CACNA2D4: variants seen among roughly 807,000 people sequenced by gnomAD.
CACNA2D4 encodes calcium voltage-gated channel auxiliary subunit alpha2delta 4, also known as voltage-dependent calcium channel subunit alpha-2/delta-4.
Under a neutral mutation model 163.8 loss-of-function variants are expected in CACNA2D4, and 157 were observed. That is an observed-to-expected ratio of 0.96 (90% confidence interval 0.84 to 1.09). CACNA2D4 has a LOEUF of 1.09. Ranked by LOEUF, CACNA2D4 falls within the 50% of genes least tolerant of loss-of-function variation. The pLI, the probability that CACNA2D4 is intolerant of heterozygous loss-of-function variation, is 0.00. For missense variants in CACNA2D4, 1,410 were observed against 1,479.9 expected, an observed-to-expected ratio of 0.95 and a Z score of 0.78; for synonymous variants, 598 against 586.9, an observed-to-expected ratio of 1.02 and a Z score of -0.27.
rs143926984 is a variant in CACNA2D4 at position 1,886,694 on chromosome 12, G to A, written c.842+315C>T. Among the ~76,000 whole-genome samples the A allele has an allele frequency of 1.9e-4, 29 of 152,304 alleles. 1 individual carries two copies. The highest frequency in any genetic ancestry group is 3.4e-3 in the Middle Eastern group (1 of 294). ...GGGAGAGAGCTGGGCTTCAGATTCT[G>A]TTACCAACTTGCCACAAAAGGGGTG... is the stretch of plus-strand genomic sequence containing the variant. On this transcript the variant is annotated intron_variant, in intron 7 of 37. Coordinates refer to ENST00000382722, the MANE Select transcript of CACNA2D4 (RefSeq NM_172364.5).
At chr12:1,871,866 C>T (rs6489334) in intron 18 of CACNA2D4, among the ~76,000 whole-genome samples, 4,356 of 152,322 alleles carry the variant, frequency 0.029, 199 homozygotes, top group African/African-American at 0.099. Flanking sequence ...TGCCCCTTCC[C>T]TCCCCCATTG....
rs976210946 is a variant in CACNA2D4 at position 1,828,044 on chromosome 12, C to T, written c.2551+12695G>A. ...CTGGGCTGGAACGGGGCTCCCGCGC[C>T]TGCCTGTGCTCAGTGCTCCTCCCTC... On this transcript the variant is annotated intron_variant, in intron 26 of 37. Coordinates refer to ENST00000382722, the MANE Select transcript of CACNA2D4 (RefSeq NM_172364.5). The surrounding 1 kb of genome is among the most constrained non-coding windows in gnomAD (Gnocchi z 4.2). 5 of 1,127,674 alleles carry T rather than the reference C, an allele frequency of 4.4e-6. No individual in the cohort carries two copies. Among genetic ancestry groups the T allele is most frequent in the Admixed American group, 3.3e-5 (1 of 30,402 alleles). The allele number at this position is 1,127,674 out of a possible 1,614,324, so 69.9% of individuals were successfully genotyped here.
rs537286384 is a variant in CACNA2D4 at position 1,842,507 on chromosome 12, G to A, written c.2471-1688C>T. Among the ~76,000 whole-genome samples the A allele has an allele frequency of 1.4e-4, 22 of 152,306 alleles. 1 individual carries two copies. Among genetic ancestry groups the A allele is most frequent in the Middle Eastern group, 3.4e-3 (1 of 294 alleles). On this transcript the variant is annotated intron_variant, in intron 25 of 37. Coordinates refer to ENST00000382722, the MANE Select transcript of CACNA2D4 (RefSeq NM_172364.5). ...GTCTAAGCGTGTGTGTGCGCTGAGC[G>A]AGTGAGTGGGCTGTGGAGAGGAAGT...
At position 1,843,207 on chromosome 12, in the gene CACNA2D4, G is replaced by A. The variant is rs1407062635; in HGVS notation, c.2470+1195C>T. On this transcript the variant is annotated intron_variant, in intron 25 of 37. Coordinates refer to ENST00000382722, the MANE Select transcript of CACNA2D4 (RefSeq NM_172364.5). This position sits in a 1 kb window ranked among gnomAD's most constrained non-coding sequence, Gnocchi z 4.6. ...GGGCATAGCACCAGGTGAGGAAGGCGGGATTCCGGAGGGGGCGGGGTGGAG... is the reference window on the plus strand; with the variant it reads ...GGGCATAGCACCAGGTGAGGAAGGCAGGATTCCGGAGGGGGCGGGGTGGAG... Among the ~76,000 whole-genome samples, 2 of 152,320 alleles carry A rather than the reference G, an allele frequency of 1.3e-5. No homozygotes were observed. Among genetic ancestry groups the A allele is most frequent in the East Asian group, 1.9e-4 (1 of 5,182 alleles).
chr12:1,852,069 G>C (rs969255119), intron 23 of CACNA2D4, among the ~76,000 whole-genome samples: 84 of 151,870 alleles, frequency 5.5e-4, no homozygotes, highest in African/African-American at 1.9e-3. Flanking sequence ...TTTGAATGTT[G>C]ATATTATAAC....
At chr12:1,907,129 A>G (rs1866678464) in intron 6 of CACNA2D4, among the ~76,000 whole-genome samples, 1 of 152,248 alleles carries the variant, frequency 6.6e-6, no homozygotes, top group South Asian at 2.1e-4. Context: ...CTTAAGGTAA[A>G]GAATTGTTTT....
At position 1,818,158 on chromosome 12, in the gene CACNA2D4, C is replaced by A. The variant is rs1207146827; in HGVS notation, c.2552-6435G>T. Among the ~76,000 whole-genome samples, 5 of 149,004 alleles carry A rather than the reference C, an allele frequency of 3.4e-5. No homozygotes were observed. In the East Asian group the frequency reaches 1.0e-3, roughly 30 times the overall value. On this transcript the variant is annotated intron_variant, in intron 26 of 37. Transcript: ENST00000382722. ...GCGACCCCGTCTGGGAAGTGAGGAG[C>A]CCCTCCGCCCGGCAGCCGCCCCGTC... is the stretch of plus-strand genomic sequence containing the variant.
At chr12:1,891,803 C>T (rs980679979) in intron 6 of CACNA2D4, among the ~76,000 whole-genome samples, 5 of 151,642 alleles carry the variant, frequency 3.3e-5, no homozygotes, top group African/African-American at 7.3e-5. Context: ...CATTTGTAAA[C>T]GTTAACAATA....
At chr12:1,837,167 G>T (rs1322804857) in intron 26 of CACNA2D4, among the ~76,000 whole-genome samples, 2 of 152,254 alleles carry the variant, frequency 1.3e-5, no homozygotes, top group Non-Finnish European at 2.9e-5. Flanking sequence ...GGCCCTGGCA[G>T]CCAGGACAGA....
intron 23 of CACNA2D4, among the ~76,000 whole-genome samples, chr12:1,852,163 T>C (rs765080501): frequency 2.6e-5 from 4 of 152,188 alleles, no homozygotes; most frequent in African/African-American, 4.8e-5. Flanking sequence ...AATTATGTCA[T>C]CTTTAAACAG....
At chr12:1,893,226 T>C (rs1282030780) in intron 6 of CACNA2D4, among the ~76,000 whole-genome samples, 3 of 152,136 alleles carry the variant, frequency 2.0e-5, no homozygotes, top group African/African-American at 7.2e-5. Flanking sequence ...CCAGGACAGA[T>C]CATATATTAA....
intron 6 of CACNA2D4, among the ~76,000 whole-genome samples, chr12:1,893,578 A>G (rs1866337317): frequency 6.6e-6 from 1 of 152,110 alleles, no homozygotes; most frequent in Admixed American, 6.5e-5. Flanking sequence ...ACTACAATAG[A>G]ATAAAACTAG....
rs150016230 is a variant in CACNA2D4, at chr12:1,826,400, GCCC to G, written c.2551+14336_2551+14338del. 2.1e-4 allele frequency among the ~76,000 whole-genome samples: 12 copies of G among 57,140 alleles called. 1 individual carries two copies. Among genetic ancestry groups the G allele is most frequent in the African/African-American group, 5.2e-4 (11 of 21,238 alleles). The allele number at this position is 57,140 out of a possible 152,430, so 37.5% of individuals were successfully genotyped here. The stretch of plus-strand genomic sequence containing the variant: ...AACGGACCAGAGATTTGAACCCAGA[GCCC>G]CCCCCCCCCCCCCGCCAACTGGCAC... On this transcript the variant is annotated intron_variant, in intron 26 of 37. Transcript: ENST00000382722.
intron 30 of CACNA2D4, 111 bp downstream of exon 30, chr12:1,801,463 C>T: frequency 1.1e-6 from 1 of 913,760 alleles, no homozygotes; most frequent in Non-Finnish European, 1.8e-6. Flanking sequence ...TCTTTGGGGG[C>T]ACCCACTGTG....
intron 6 of CACNA2D4, among the ~76,000 whole-genome samples, chr12:1,899,539 CAG>C (rs1332705675): frequency 2.0e-5 from 3 of 152,030 alleles, no homozygotes; most frequent in Non-Finnish European, 4.4e-5. Flanking sequence ...TTTGAAAAGT[CAG>C]ATAAAATGGA....
At chr12:1,847,586 C>T (rs527654778) in intron 23 of CACNA2D4, among the ~76,000 whole-genome samples, 2 of 152,302 alleles carry the variant, frequency 1.3e-5, no homozygotes, top group Admixed American at 1.3e-4. Flanking sequence ...AGTCATAGGA[C>T]TCGAGCTGCA....
rs774973847 is a variant in CACNA2D4 at position 1,800,999 on chromosome 12, ACTGG to A, written c.2868+40_2868+43del. ...ACCTCATTCCAGGACAGGGCAGAGG[ACTGG>A]CTGGCTGGCTGGCAGAGGGAAGGGC... On this transcript the variant is annotated intron_variant, in intron 31 of 37. Transcript: ENST00000382722. 86 of 1,567,886 alleles carry A rather than the reference ACTGG, an allele frequency of 5.5e-5. No homozygotes were observed. In the East Asian group the frequency reaches 9.6e-4, roughly 18 times the overall value.
chr12:1,848,784 T>TTATTA (rs1565709339), intron 23 of CACNA2D4, among the ~76,000 whole-genome samples: 2 of 37,352 alleles, frequency 5.4e-5, no homozygotes, highest in African/African-American at 1.8e-4. Flanking sequence ...TATTATTATT[T>TTATTA]TTATTTAAAG....
chr12:1,872,647 T>G (rs1030777316), intron 18 of CACNA2D4, among the ~76,000 whole-genome samples: 1 of 152,018 alleles, frequency 6.6e-6, no homozygotes, highest in East Asian at 1.9e-4. Context: ...CCTTTGGCAG[T>G]GAAGAAAACG....
Sources: allele counts gnomAD v4.1 joint callset (sites outside exome capture counted in the v4.1 genomes callset), GRCh38; gene constraint gnomAD v4.1.1; non-coding constraint Gnocchi (gnomAD v3.1); transcripts MANE v1.5; gene names NCBI Gene and HGNC (gene_info 2026-07-23, HGNC 2026-07-21).